Variants in UBN2 observed in about 807,000 individuals in gnomAD.
UBN2 encodes the protein ubinuclein 2, also known as ubinuclein-2.
UBN2 carries 35 observed loss-of-function variants against 120.2 expected under a neutral mutation model. The ratio of observed to expected loss-of-function variants is 0.29; its 90% CI spans 0.22 to 0.39. The LOEUF is 0.39. Ranked by LOEUF, UBN2 falls within the 10% of genes least tolerant of loss-of-function variation. The pLI is 1.00. For synonymous variants in UBN2, 661 were observed against 648.7 expected, an observed-to-expected ratio of 1.02 and a Z score of -0.29; for missense variants, 1,693 against 1,663.2, an observed-to-expected ratio of 1.02 and a Z score of -0.31.
At chr7:139,329,361 CA>C in the UBN2 span, among the ~76,000 whole-genome samples, 1 of 150,826 alleles carries the variant, frequency 6.6e-6, no homozygotes, top group African/African-American at 2.5e-5. Context: ...GCTGAGACAG[CA>C]GTTCTTGACC....
intron 6 of UBN2, 125 bp downstream of exon 6, chr7:139,261,866 TAATA>T: frequency 3.1e-6 from 3 of 974,748 alleles, no homozygotes; most frequent in Non-Finnish European, 4.4e-6. Flanking sequence ...AAGATAAAAA[TAATA>T]AACTACAATC....
chr7:139,266,239 A>AG, intron 6 of UBN2, 94 bp from the exon 7 acceptor site: 2 of 819,748 alleles, frequency 2.4e-6, no homozygotes, highest in East Asian at 2.7e-5. Flanking sequence ...AAAAAAAAAA[A>AG]AAAAAAGAAA....
At chr7:139,313,671 C>T in the UBN2 span, among the ~76,000 whole-genome samples, 2 of 151,898 alleles carry the variant, frequency 1.3e-5, no homozygotes, top group Non-Finnish European at 2.9e-5. Flanking sequence ...AATCTTTGTT[C>T]CTTATTGATC....
intron 3 of UBN2, 120 bp from the exon 4 acceptor site, chr7:139,258,368 T>A: frequency 1.6e-6 from 1 of 632,976 alleles, no homozygotes; most frequent in Non-Finnish European, 2.4e-6. Flanking sequence ...ACATCCTTAT[T>A]GCAGTCTGTG....
chr7:139,310,892 A>G (rs188799377), downstream of UBN2, among the ~76,000 whole-genome samples: 1 of 152,224 alleles, frequency 6.6e-6, no homozygotes, highest in African/African-American at 2.4e-5. Context: ...GAACAGCTTC[A>G]TAGTATTCTA....
chr7:139,263,380 A>G (rs893778275), intron 6 of UBN2, among the ~76,000 whole-genome samples: 1 of 152,188 alleles, frequency 6.6e-6, no homozygotes. Context: ...TTTTTAGTAA[A>G]TAAATATGGG....
chr7:139,315,276 A>G, the UBN2 span: 1 of 152,114 alleles, frequency 6.6e-6, no homozygotes, highest in Non-Finnish European at 1.5e-5. Flanking sequence ...CGCCCGGGAG[A>G]TATAATATTT....
intron 6 of UBN2, 42 bp from the exon 7 acceptor site, chr7:139,266,291 A>C: frequency 7.9e-7 from 1 of 1,260,252 alleles, no homozygotes; most frequent in Non-Finnish European, 1.1e-6. Context: ...AAATAGAGTA[A>C]TGGCCTATTT....
At chr7:139,293,545 G>T in intron 16 of UBN2, 82 bp downstream of exon 16, 3 of 1,123,890 alleles carry the variant, frequency 2.7e-6, no homozygotes, top group Non-Finnish European at 3.9e-6. Flanking sequence ...ATTAAGAGTA[G>T]TCCAGTTGGA....
In UBN2 at chr7:139,231,249, A is replaced by T. The variant is rs1448456447; in HGVS notation, c.-236A>T. 6.6e-6 allele frequency among the ~76,000 whole-genome samples: 1 copy of T among 152,190 alleles called. No homozygotes were observed. Among genetic ancestry groups the T allele is most frequent in the Non-Finnish European group, 1.5e-5 (1 of 68,030 alleles). On this transcript the variant is annotated 5_prime_UTR_variant, in exon 1 of 18. An upstream start codon of the reference 5' UTR is lost. Transcript: ENST00000473989. ...CCCGCTCAGCGGCCTGCTTCTATTTATGTGGGGGATCCAACATGGCGGCCG... is the reference window on the plus strand; with the variant it reads ...CCCGCTCAGCGGCCTGCTTCTATTTTTGTGGGGGATCCAACATGGCGGCCG...
rs1467612234 is a variant in UBN2 at position 139,302,374 on chromosome 7, A to G, written c.*4538A>G. 1 of 152,214 alleles carries G rather than the reference A, an allele frequency of 6.6e-6. No individual in the cohort carries two copies. Among genetic ancestry groups the G allele is most frequent in the East Asian group, 1.9e-4 (1 of 5,194 alleles). 9.4% of individuals were successfully genotyped at this position (152,214 alleles called of 1,614,324 possible). ...TTTATTCCATTGCTTTTAGTTGATT[A>G]AAGTGGGTGGATTAGAAAAGTATCT... On this transcript the variant is annotated 3_prime_UTR_variant, in exon 18 of 18. Coordinates refer to ENST00000473989, the MANE Select transcript of UBN2 (RefSeq NM_173569.4).
At chr7:139,282,111 G>A (rs1797631028) in intron 14 of UBN2, 56 bp downstream of exon 14, 3 of 1,555,408 alleles carry the variant, frequency 1.9e-6, no homozygotes, top group Non-Finnish European at 2.6e-6. Flanking sequence ...GGTTTGTTTG[G>A]GTTTGTTTAA....
chr7:139,316,049 C>T, the UBN2 span, among the ~76,000 whole-genome samples: 3 of 132,278 alleles, frequency 2.3e-5, no homozygotes, highest in East Asian at 4.2e-4. Context: ...TGCACTCCAG[C>T]CTGGGCAACA....
chr7:139,318,510 T>G, the UBN2 span, among the ~76,000 whole-genome samples: 8,880 of 152,226 alleles, frequency 0.058, 483 homozygotes, highest in African/African-American at 0.14. Context: ...TTTATTTGTT[T>G]GTTTGTTTTT....
rs558159704 is a variant in UBN2 at position 139,265,288 on chromosome 7, C to T, written c.1396-1045C>T. Among the ~76,000 whole-genome samples, 3 of 151,854 alleles carry T rather than the reference C, an allele frequency of 2.0e-5. No individual in the cohort carries two copies. The East Asian group carries it at 5.8e-4, about 29-fold the overall frequency. On this transcript the variant is annotated intron_variant, in intron 6 of 17. Transcript: ENST00000473989. ...AGGCAGGAGATCAAGACCATCCTGG[C>T]TAACACGATGAAATCCCGTCTCTAC...
the UBN2 span, among the ~76,000 whole-genome samples, chr7:139,324,768 C>T: frequency 1.1e-4 from 17 of 151,710 alleles, no homozygotes; most frequent in Admixed American, 5.3e-4. Flanking sequence ...GTCAGAAGTT[C>T]GAAACCAGCC....
rs932069029 is a variant in UBN2, at chr7:139,302,104, TC to T, written c.*4270del. ...TTAAGTGCCTTTTTTCTTTCTTTTTTCCTCTCTTTTGAAACTGTTGTCACAT... is the reference window on the plus strand; with the variant it reads ...TTAAGTGCCTTTTTTCTTTCTTTTTTCTCTCTTTTGAAACTGTTGTCACAT... On this transcript the variant is annotated 3_prime_UTR_variant, in exon 18 of 18. Coordinates refer to ENST00000473989, the MANE Select transcript of UBN2 (RefSeq NM_173569.4). 1 of 152,222 alleles carries T rather than the reference TC, an allele frequency of 6.6e-6. No individual in the cohort carries two copies. Among genetic ancestry groups the T allele is most frequent in the Non-Finnish European group, 1.5e-5 (1 of 68,046 alleles). 9.4% of individuals were successfully genotyped at this position (152,222 alleles called of 1,614,324 possible). A position where few individuals can be genotyped will look rare whatever the true frequency, so the allele number is the denominator to read the frequency against.
Position 139,298,022 on chromosome 7 carries a change from A to C in UBN2, c.*186A>C. 2 of 610,692 alleles carry C rather than the reference A, an allele frequency of 3.3e-6. No individual in the cohort carries two copies. Among genetic ancestry groups the C allele is most frequent in the South Asian group, 4.5e-5 (2 of 44,894 alleles). The allele number at this position is 610,692 out of a possible 1,614,324, so 37.8% of individuals were successfully genotyped here. On this transcript the variant is annotated 3_prime_UTR_variant, in exon 18 of 18. Coordinates refer to ENST00000473989, the MANE Select transcript of UBN2 (RefSeq NM_173569.4). ...GAGCAAAGCCAGGTGCAGGAGGAAG[A>C]AATGCTTTTGTGCAAAGTTAGTGAC...
chr7:139,296,811 G>A (rs1322973008), intron 17 of UBN2, among the ~76,000 whole-genome samples: 2 of 152,166 alleles, frequency 1.3e-5, no homozygotes, highest in Non-Finnish European at 2.9e-5. Flanking sequence ...GGTCTCTTGA[G>A]CCCAGGAATT....
Sources: allele counts gnomAD v4.1 joint callset (sites outside exome capture counted in the v4.1 genomes callset), GRCh38; gene constraint gnomAD v4.1.1; transcripts MANE v1.5; gene names NCBI Gene and HGNC (gene_info 2026-07-23, HGNC 2026-07-21).